The following EYS variants were observed in gnomAD, a reference collection of about 807,000 sequenced individuals.
The protein encoded by EYS is EGF-like photoreceptor maintenance factor.
A neutral mutation model predicts 282.1 loss-of-function variants in EYS; 250 were observed. The ratio of observed to expected loss-of-function variants is 0.89; its 90% CI spans 0.80 to 0.98. The LOEUF (loss-of-function observed/expected upper bound fraction) is 0.98. Ranked by LOEUF, EYS falls within the 50% of genes least tolerant of loss-of-function variation. The pLI, the probability that EYS is intolerant of heterozygous loss-of-function variation, is 0.00. For missense variants in EYS, 4,016 were observed against 3,709.0 expected (o/e 1.08, Z -2.15); for synonymous variants, 1,355 against 1,282.9 (o/e 1.06, Z -1.20).
chr6:64,385,135 C>G (rs899042804), intron 29 of EYS, among the ~76,000 whole-genome samples: 1 of 152,156 alleles, frequency 6.6e-6, no homozygotes, highest in Non-Finnish European at 1.5e-5. Flanking sequence ...CTGCATGATA[C>G]TTAGATATTC....
intron 33 of EYS, among the ~76,000 whole-genome samples, chr6:64,064,704 G>T (rs1489172448): frequency 1.3e-5 from 2 of 152,094 alleles, no homozygotes; most frequent in Non-Finnish European, 2.9e-5. Context: ...TTACTTAAAA[G>T]TAAAGAAGAA....
intron 5 of EYS, among the ~76,000 whole-genome samples, chr6:65,483,676 A>G (rs1765681623): frequency 6.6e-6 from 1 of 152,182 alleles, no homozygotes; most frequent in South Asian, 2.1e-4. Flanking sequence ...TATGTATCAA[A>G]TAAAGAGATA....
At chr6:65,265,204 C>A (rs1767720554) in intron 12 of EYS, among the ~76,000 whole-genome samples, 1 of 151,852 alleles carries the variant, frequency 6.6e-6, no homozygotes, top group Non-Finnish European at 1.5e-5. Flanking sequence ...TGCCCTATAC[C>A]CTAGGTAACA....
chr6:64,845,200 A>C (rs1765681875), intron 19 of EYS, among the ~76,000 whole-genome samples: 1 of 152,090 alleles, frequency 6.6e-6, no homozygotes, highest in African/African-American at 2.4e-5. Context: ...CTGAGGTGTG[A>C]GGATCATTTG....
At chr6:65,118,910 A>G (rs1775452919) in intron 12 of EYS, among the ~76,000 whole-genome samples, 1 of 151,762 alleles carries the variant, frequency 6.6e-6, no homozygotes, top group African/African-American at 2.4e-5. Flanking sequence ...TGACAATTCT[A>G]TGCCCAATCA....
chr6:64,888,357 C>T (rs1240068559), intron 18 of EYS, among the ~76,000 whole-genome samples: 6 of 151,746 alleles, frequency 4.0e-5, no homozygotes, highest in Admixed American at 2.0e-4. Context: ...TCATTACAAA[C>T]GAATGAACAA....
chr6:64,830,579 A>G (rs1343136259), intron 19 of EYS, among the ~76,000 whole-genome samples: 1 of 151,904 alleles, frequency 6.6e-6, no homozygotes, highest in Admixed American at 6.6e-5. Context: ...GGGTAATATA[A>G]TTTGCACAGG....
intron 13 of EYS, among the ~76,000 whole-genome samples, chr6:65,022,168 G>A (rs1000797751): frequency 1.3e-5 from 2 of 152,186 alleles, no homozygotes; most frequent in African/African-American, 4.8e-5. Context: ...TCTGGTGGAG[G>A]ATTTCTTTTT....
intron 35 of EYS, among the ~76,000 whole-genome samples, chr6:63,975,401 A>G (rs1247393792): frequency 6.6e-6 from 1 of 152,036 alleles, no homozygotes; most frequent in Non-Finnish European, 1.5e-5. Flanking sequence ...TTTTAATCAG[A>G]CAGATTTAGA....
At chr6:64,111,284 A>G (rs187044333) in intron 31 of EYS, among the ~76,000 whole-genome samples, 76 of 152,198 alleles carry the variant, frequency 5.0e-4, no homozygotes, top group African/African-American at 1.8e-3. Flanking sequence ...TATGTTGTAG[A>G]GGCAAATCTC....
At chr6:65,504,477 C>T (rs1267287405) in intron 2 of EYS, among the ~76,000 whole-genome samples, 1 of 151,660 alleles carries the variant, frequency 6.6e-6, no homozygotes, top group Admixed American at 6.6e-5. Context: ...TGCCTTGTTC[C>T]AGACCTTTGG....
chr6:64,654,845 C>T (rs1255484796), intron 22 of EYS, among the ~76,000 whole-genome samples: 1 of 152,152 alleles, frequency 6.6e-6, no homozygotes, highest in Non-Finnish European at 1.5e-5. Flanking sequence ...TGAAAAGTCA[C>T]CGGCTAAATG....
At chr6:65,554,424 A>T (rs549980222) in intron 2 of EYS, among the ~76,000 whole-genome samples, 25 of 152,218 alleles carry the variant, frequency 1.6e-4, no homozygotes, top group African/African-American at 6.0e-4. Flanking sequence ...GCTTGCTTTT[A>T]TACTGATATC....
At chr6:63,967,474 G>C (rs1766363673) in intron 35 of EYS, among the ~76,000 whole-genome samples, 1 of 152,118 alleles carries the variant, frequency 6.6e-6, no homozygotes, top group Non-Finnish European at 1.5e-5. Flanking sequence ...TTCTGGAGGA[G>C]AGAGAAACAG....
intron 22 of EYS, among the ~76,000 whole-genome samples, chr6:64,649,777 T>C (rs900090530): frequency 6.6e-5 from 10 of 152,204 alleles, no homozygotes; most frequent in African/African-American, 2.4e-4. Context: ...TGAGTATCTT[T>C]CTTTCAGAAA....
intron 2 of EYS, among the ~76,000 whole-genome samples, chr6:65,545,466 T>C (rs918309847): frequency 1.3e-5 from 2 of 152,124 alleles, no homozygotes; most frequent in African/African-American, 2.4e-5. Flanking sequence ...AAATTGAATT[T>C]TGTTTTAAGA....
At chr6:65,297,216 A>C (rs1768692261) in intron 11 of EYS, among the ~76,000 whole-genome samples, 1 of 151,818 alleles carries the variant, frequency 6.6e-6, no homozygotes. Context: ...AAAAAAATTA[A>C]AGTATCATGA....
chr6:64,458,818 G>T (rs1279326373), intron 26 of EYS, among the ~76,000 whole-genome samples: 2 of 152,050 alleles, frequency 1.3e-5, no homozygotes. Flanking sequence ...AATAACCGAG[G>T]CTTGTGAAGG....
At chr6:64,984,932 TA>T (rs1770803755) in intron 14 of EYS, among the ~76,000 whole-genome samples, 1 of 151,474 alleles carries the variant, frequency 6.6e-6, no homozygotes, top group African/African-American at 2.4e-5. Context: ...AAAGTACAAA[TA>T]AACCTCTTTT....
Sources: allele counts gnomAD v4.1 joint callset (sites outside exome capture counted in the v4.1 genomes callset), GRCh38; gene constraint gnomAD v4.1.1; transcripts MANE v1.5; gene names NCBI Gene and HGNC (gene_info 2026-07-23, HGNC 2026-07-21).